The following XRCC4 variants were observed in gnomAD, a reference collection of about 807,000 sequenced individuals.
The protein encoded by XRCC4 is X-ray repair cross complementing 4.
XRCC4 carries 28 observed loss-of-function variants against 39.1 expected under a neutral mutation model. That is an observed-to-expected ratio of 0.72 (90% CI 0.53 to 0.98). The LOEUF (loss-of-function observed/expected upper bound fraction) is 0.98. Ranked by LOEUF, XRCC4 falls within the 50% of genes least tolerant of loss-of-function variation. The pLI, the probability that XRCC4 is intolerant of heterozygous loss-of-function variation, is 0.00. For synonymous variants in XRCC4, 123 were observed against 126.4 expected (o/e 0.97, Z 0.18); for missense variants, 350 against 376.4 (o/e 0.93, Z 0.58).
chr5:83,273,432 C>G (rs1754211542), intron 7 of XRCC4, among the ~76,000 whole-genome samples: 1 of 152,162 alleles, frequency 6.6e-6, no homozygotes, highest in African/African-American at 2.4e-5. Flanking sequence ...TTAATTAGAT[C>G]CCATTCGTTA....
chr5:83,132,204 T>TG (rs1747628531), intron 3 of XRCC4, among the ~76,000 whole-genome samples: 2 of 152,298 alleles, frequency 1.3e-5, no homozygotes, highest in African/African-American at 4.8e-5. Context: ...TGTTGAATAT[T>TG]GGCCCCCACT....
chr5:83,138,600 G>C (rs1046548044), intron 3 of XRCC4, among the ~76,000 whole-genome samples: 1 of 151,890 alleles, frequency 6.6e-6, no homozygotes, highest in African/African-American at 2.4e-5. Flanking sequence ...CACTTTGCTA[G>C]TATACTTTAT....
chr5:83,270,953 T>G (rs997090948), intron 7 of XRCC4, among the ~76,000 whole-genome samples: 14 of 151,788 alleles, frequency 9.2e-5, no homozygotes, highest in Non-Finnish European at 1.8e-4. Flanking sequence ...GCCCAGCTAA[T>G]TTTTGTATTT....
chr5:83,343,683 C>G (rs1756829871), intron 7 of XRCC4, among the ~76,000 whole-genome samples: 1 of 150,648 alleles, frequency 6.6e-6, no homozygotes, highest in Admixed American at 6.6e-5. Flanking sequence ...ATTTCTTTCT[C>G]TAGCTGTCTG....
At chr5:83,347,175 A>G (rs888888144) in intron 7 of XRCC4, among the ~76,000 whole-genome samples, 6 of 152,228 alleles carry the variant, frequency 3.9e-5, no homozygotes, top group African/African-American at 7.2e-5. Context: ...TCTCTAATAT[A>G]TTATAGAGTA....
At chr5:83,316,502 A>G (rs371476391) in intron 7 of XRCC4, among the ~76,000 whole-genome samples, 2 of 151,234 alleles carry the variant, frequency 1.3e-5, no homozygotes, top group East Asian at 2.0e-4. Flanking sequence ...AAAAGGATGG[A>G]GAAAGATCTA....
the XRCC4 span, among the ~76,000 whole-genome samples, chr5:83,362,336 G>A: frequency 2.1e-5 from 3 of 140,636 alleles, no homozygotes; most frequent in Admixed American, 7.1e-5. Context: ...ATTGTTTTAG[G>A]TATGTTCATG....
chr5:83,088,945 A>G (rs1433772480), intron 1 of XRCC4, among the ~76,000 whole-genome samples: 4 of 152,180 alleles, frequency 2.6e-5, no homozygotes, highest in African/African-American at 7.2e-5. Flanking sequence ...ATTTTGTTTC[A>G]AAATTGATAT....
chr5:83,182,908 A>G (rs1750266615), intron 3 of XRCC4, among the ~76,000 whole-genome samples: 2 of 152,328 alleles, frequency 1.3e-5, no homozygotes, highest in East Asian at 1.9e-4. Context: ...AACTGTGAGC[A>G]GTTAAGTTCT....
At chr5:83,208,761 G>A (rs1580372705) in intron 6 of XRCC4, among the ~76,000 whole-genome samples, 1 of 151,834 alleles carries the variant, frequency 6.6e-6, no homozygotes, top group Admixed American at 6.6e-5. Flanking sequence ...CAATATCACC[G>A]CATACTACAT....
At chr5:83,341,585 C>T (rs1479678281) in intron 7 of XRCC4, among the ~76,000 whole-genome samples, 2 of 152,054 alleles carry the variant, frequency 1.3e-5, no homozygotes, top group Non-Finnish European at 2.9e-5. Context: ...AGACACACTG[C>T]ACACAACCAA....
At chr5:83,250,705 T>C (rs369940085) in intron 6 of XRCC4, among the ~76,000 whole-genome samples, 7 of 152,294 alleles carry the variant, frequency 4.6e-5, no homozygotes, top group Admixed American at 2.6e-4. Flanking sequence ...TTTTCTTAAA[T>C]CAGTTTGCTC....
chr5:83,118,229 G>A (rs951461750), intron 3 of XRCC4, among the ~76,000 whole-genome samples: 1 of 151,602 alleles, frequency 6.6e-6, no homozygotes, highest in African/African-American at 2.4e-5. Flanking sequence ...AATCCAAATA[G>A]GCAAACCTGG....
intron 7 of XRCC4, among the ~76,000 whole-genome samples, chr5:83,351,428 T>A (rs1438844547): frequency 6.6e-6 from 1 of 152,182 alleles, no homozygotes; most frequent in Admixed American, 6.5e-5. Context: ...TTGAGATAGT[T>A]CAGTTATCTC....
intron 7 of XRCC4, among the ~76,000 whole-genome samples, chr5:83,320,969 C>T (rs1756051930): frequency 6.6e-6 from 1 of 151,892 alleles, no homozygotes; most frequent in Non-Finnish European, 1.5e-5. Flanking sequence ...CGCCAACATG[C>T]CTGGCTAATT....
At chr5:83,077,839 CTT>C (rs1477744171) in intron 1 of XRCC4, 1 of 157,406 alleles carries the variant, frequency 6.4e-6, no homozygotes, top group Non-Finnish European at 1.4e-5. Context: ...TGTTCACCCC[CTT>C]TTCAGTTTCT....
chr5:83,122,020 C>G (rs751647535), intron 3 of XRCC4, among the ~76,000 whole-genome samples: 1 of 152,096 alleles, frequency 6.6e-6, no homozygotes, highest in Non-Finnish European at 1.5e-5. Context: ...CTATACTGCC[C>G]CATCAATCTA....
chr5:83,156,271 G>C (rs1204605632), intron 3 of XRCC4, among the ~76,000 whole-genome samples: 1 of 145,704 alleles, frequency 6.9e-6, no homozygotes, highest in Non-Finnish European at 1.5e-5. Context: ...AATTGTGACT[G>C]TTTGCCTAAG....
chr5:83,220,549 G>A (rs552345579), intron 6 of XRCC4, among the ~76,000 whole-genome samples: 1 of 152,174 alleles, frequency 6.6e-6, no homozygotes, highest in Non-Finnish European at 1.5e-5. Flanking sequence ...GCCTGGGGAT[G>A]TGTGAAGGAT....
Sources: gnomAD v4.1 joint callset for allele counts (sites outside exome capture counted in the v4.1 genomes callset) on GRCh38, gnomAD v4.1.1 for gene constraint, MANE v1.5 for transcripts, NCBI Gene and HGNC (gene_info 2026-07-23, HGNC 2026-07-21) for gene names.